Variants in DPP10 observed in about 807,000 individuals in gnomAD.
DPP10 encodes the protein dipeptidyl peptidase like 10, also known as inactive dipeptidyl peptidase 10.
A neutral mutation model predicts 120.9 loss-of-function variants in DPP10; 33 were observed. That is an observed-to-expected ratio of 0.27 (90% confidence interval 0.21 to 0.37). The LOEUF (loss-of-function observed/expected upper bound fraction) is 0.37, where lower values mean the gene tolerates loss of function less well. DPP10 is among the 10% of genes least tolerant of loss of function. The pLI is 1.00. For synonymous variants in DPP10, 337 were observed against 326.1 expected (o/e 1.03, Z -0.36); for missense variants, 816 against 942.8 (o/e 0.87, Z 1.76).
At chr2:115,552,850 C>T (rs147747341) in intron 5 of DPP10, among the ~76,000 whole-genome samples, 8 of 152,136 alleles carry the variant, frequency 5.3e-5, no homozygotes, top group Non-Finnish European at 7.4e-5. Flanking sequence ...TCTCAATAAT[C>T]TCTTCCATTG....
At chr2:114,814,609 G>A (rs1051687026) in intron 1 of DPP10, among the ~76,000 whole-genome samples, 10 of 152,030 alleles carry the variant, frequency 6.6e-5, no homozygotes, top group East Asian at 3.9e-4. Context: ...AGTGGCTACC[G>A]TAGTAGATAT....
intron 3 of DPP10, among the ~76,000 whole-genome samples, chr2:115,473,639 G>A (rs906610239): frequency 2.0e-5 from 3 of 152,176 alleles, no homozygotes; most frequent in Non-Finnish European, 4.4e-5. Context: ...CTGGCTGGCT[G>A]CCATGGAGAA....
intron 2 of DPP10, among the ~76,000 whole-genome samples, chr2:115,319,300 A>G (rs34423273): frequency 0.027 from 4,140 of 152,192 alleles, 72 homozygotes; most frequent in South Asian, 0.06. Context: ...GTTTTCTAAT[A>G]TACCTGAAGG....
In DPP10 at chr2:114,564,255, G is replaced by A. The variant is rs909396413; in HGVS notation, c.60+121417G>A. Among the ~76,000 whole-genome samples the A allele has an allele frequency of 3.9e-5, 6 of 152,078 alleles. No homozygotes were observed. In the South Asian group the frequency reaches 6.2e-4, roughly 16 times the overall value. On this transcript the variant is annotated intron_variant, in intron 1 of 25. Coordinates refer to ENST00000410059, the MANE Select transcript of DPP10 (RefSeq NM_020868.6). ...TTTTGGTTTGAATTCTGTCAACAGA[G>A]ACTATTCACTAGGCCCCTTCTCTAC...
At chr2:115,765,569 A>G (rs1680609003) in intron 12 of DPP10, among the ~76,000 whole-genome samples, 1 of 152,120 alleles carries the variant, frequency 6.6e-6, no homozygotes, top group Non-Finnish European at 1.5e-5. Flanking sequence ...TGAAAACAAG[A>G]TAGTTTTTAG....
chr2:115,707,856 A>T (rs867037167), intron 7 of DPP10, among the ~76,000 whole-genome samples: 1 of 152,008 alleles, frequency 6.6e-6, no homozygotes, highest in African/African-American at 2.4e-5. Flanking sequence ...AAATATCTAT[A>T]TATTATTTAA....
chr2:115,700,371 A>G (rs1470542741), intron 7 of DPP10, among the ~76,000 whole-genome samples: 1 of 152,182 alleles, frequency 6.6e-6, no homozygotes, highest in Non-Finnish European at 1.5e-5. Context: ...GCATTTTTAA[A>G]AATTTAACAC....
intron 1 of DPP10, among the ~76,000 whole-genome samples, chr2:115,146,095 T>A (rs1167717313): frequency 6.6e-6 from 1 of 152,118 alleles, no homozygotes; most frequent in East Asian, 1.9e-4. Flanking sequence ...TGAGAAGAGT[T>A]AAGTACACTG....
At chr2:114,658,193 TA>T (rs1304288923) in intron 1 of DPP10, among the ~76,000 whole-genome samples, 1 of 152,164 alleles carries the variant, frequency 6.6e-6, no homozygotes, top group Non-Finnish European at 1.5e-5. Flanking sequence ...CAAATTTCAT[TA>T]AGAGACTACC....
intron 11 of DPP10, among the ~76,000 whole-genome samples, chr2:115,759,430 A>G (rs1450969332): frequency 6.6e-6 from 1 of 151,808 alleles, no homozygotes; most frequent in East Asian, 1.9e-4. Flanking sequence ...CAACTTCATT[A>G]GACATTAGCA....
chr2:114,682,770 G>GTCTA (rs72471562), intron 1 of DPP10, among the ~76,000 whole-genome samples: 2,081 of 149,582 alleles, frequency 0.014, 10 homozygotes, highest in East Asian at 0.021. Context: ...CTATCTGTCT[G>GTCTA]TCTATCTATC....
At chr2:115,248,832 C>T (rs950375974) in intron 1 of DPP10, among the ~76,000 whole-genome samples, 23 of 151,832 alleles carry the variant, frequency 1.5e-4, no homozygotes, top group Non-Finnish European at 2.4e-4. Flanking sequence ...ACCATGTAAC[C>T]GAGAAGATGA....
intron 1 of DPP10, among the ~76,000 whole-genome samples, chr2:114,726,085 AT>A (rs1361328179): frequency 4.0e-5 from 6 of 151,896 alleles, no homozygotes; most frequent in African/African-American, 1.5e-4. Flanking sequence ...ACAAAAAAAA[AT>A]TTAGCTGGGC....
At chr2:114,955,614 C>T (rs558118699) in intron 1 of DPP10, among the ~76,000 whole-genome samples, 1 of 152,284 alleles carries the variant, frequency 6.6e-6, no homozygotes, top group Non-Finnish European at 1.5e-5. Flanking sequence ...CATTAGCCTC[C>T]TATCGAAACT....
Position 115,601,103 on chromosome 2 carries a change from C to T in DPP10, c.441+75131C>T, listed in dbSNP as rs79519980. ...ACTAGAATCATTATTCAGTTTTGCCCAGTTACCTACTTCTTAAAAGAGAAA... is the reference window on the plus strand; with the variant it reads ...ACTAGAATCATTATTCAGTTTTGCCTAGTTACCTACTTCTTAAAAGAGAAA... On this transcript the variant is annotated intron_variant, in intron 5 of 25. Coordinates refer to ENST00000410059, the MANE Select transcript of DPP10 (RefSeq NM_020868.6). Among the ~76,000 whole-genome samples the T allele has an allele frequency of 5.3e-5, 8 of 152,274 alleles. No homozygotes were observed. The East Asian group carries it at 1.5e-3, about 29-fold the overall frequency.
intron 3 of DPP10, among the ~76,000 whole-genome samples, chr2:115,464,857 G>T (rs896191197): frequency 6.6e-6 from 1 of 152,080 alleles, no homozygotes; most frequent in Non-Finnish European, 1.5e-5. Context: ...GGGTGTCCTT[G>T]ATCTAAGGTT....
At chr2:114,609,305 G>T (rs184400133) in intron 1 of DPP10, among the ~76,000 whole-genome samples, 121 of 152,294 alleles carry the variant, frequency 7.9e-4, no homozygotes, top group African/African-American at 2.9e-3. Context: ...GGTGGAAAAA[G>T]AGATAAATAT....
intron 1 of DPP10, among the ~76,000 whole-genome samples, chr2:114,741,808 G>A (rs998860813): frequency 6.6e-6 from 1 of 152,166 alleles, no homozygotes; most frequent in Non-Finnish European, 1.5e-5. Context: ...GGGTGCCCAG[G>A]ACCACCAGAA....
At chr2:114,725,480 A>G (rs1404391850) in intron 1 of DPP10, among the ~76,000 whole-genome samples, 3 of 152,160 alleles carry the variant, frequency 2.0e-5, no homozygotes, top group Non-Finnish European at 4.4e-5. Flanking sequence ...CAAAGTTTCC[A>G]GGTTTCAAAG....
Sources: allele counts gnomAD v4.1 joint callset (sites outside exome capture counted in the v4.1 genomes callset), GRCh38; gene constraint gnomAD v4.1.1; transcripts MANE v1.5; gene names NCBI Gene and HGNC (gene_info 2026-07-23, HGNC 2026-07-21).